Variants in VTI1A observed in about 807,000 individuals in gnomAD.
The protein encoded by VTI1A is vesicle transport through interaction with t-SNAREs homolog 1A.
VTI1A carries 22 observed loss-of-function variants against 34.9 expected under a neutral mutation model. The ratio of observed to expected loss-of-function variants is 0.63; its 90% CI spans 0.45 to 0.90. The LOEUF (loss-of-function observed/expected upper bound fraction) is 0.90, where lower values mean the gene tolerates loss of function less well. Among genes scored for constraint, VTI1A ranks in the 40% least tolerant of loss-of-function variants. VTI1A has a pLI of 0.00. For synonymous variants in VTI1A, 87 were observed against 97.3 expected (o/e 0.89, Z 0.62); for missense variants, 268 against 275.6 (o/e 0.97, Z 0.20).
rs889093947 is a variant in VTI1A, at chr10:112,554,891, T to G, written c.427+16561T>G. 4.6e-4 allele frequency among the ~76,000 whole-genome samples: 70 copies of G among 152,156 alleles called. 1 individual carries two copies. Among genetic ancestry groups the G allele is most frequent in the Non-Finnish European group, 7.4e-5 (5 of 67,994 alleles). On this transcript the variant is annotated intron_variant, in intron 5 of 7. Coordinates refer to ENST00000393077, the MANE Select transcript of VTI1A (RefSeq NM_145206.4). ...GGTCAGGCTAATCAATCATTTAATTTGATGAGTCCAGGAAGTATTCGATGT... is the reference window on the plus strand; with the variant it reads ...GGTCAGGCTAATCAATCATTTAATTGGATGAGTCCAGGAAGTATTCGATGT...
At chr10:112,451,715 G>A (rs144440519) in intron 1 of VTI1A, among the ~76,000 whole-genome samples, 4 of 152,334 alleles carry the variant, frequency 2.6e-5, no homozygotes, top group Admixed American at 6.5e-5. Flanking sequence ...ACTTAGCCAC[G>A]TGTAGATGAA....
chr10:112,853,414 G>A, the VTI1A span, among the ~76,000 whole-genome samples: 1 of 152,210 alleles, frequency 6.6e-6, no homozygotes, highest in East Asian at 1.9e-4. Flanking sequence ...TTGAGCCCTG[G>A]ATTCTGCATT....
At chr10:112,611,346 G>T (rs2038844) in intron 5 of VTI1A, among the ~76,000 whole-genome samples, 142,843 of 152,156 alleles carry the variant, frequency 0.94, 67,133 homozygotes, top group East Asian at 1. Context: ...ATCATGCTAT[G>T]TAGCAAGTAA....
At chr10:112,641,681 A>G (rs1469846669) in intron 5 of VTI1A, among the ~76,000 whole-genome samples, 1 of 152,134 alleles carries the variant, frequency 6.6e-6, no homozygotes, top group African/African-American at 2.4e-5. Context: ...GTCCCTTCCA[A>G]ATGTTCCTTT....
chr10:112,842,051 CTTTTTTTTTTTTTTTTTTT>C, the VTI1A span, among the ~76,000 whole-genome samples: 1 of 66,616 alleles, frequency 1.5e-5, no homozygotes, highest in South Asian at 5.2e-4. Flanking sequence ...TTTTTTTTTC[CTTTTTTTTTTTTTTTTTTT>C]TTTTTTTTTT....
intron 2 of VTI1A, among the ~76,000 whole-genome samples, chr10:112,463,866 CT>C (rs1847810849): frequency 6.6e-6 from 1 of 152,184 alleles, no homozygotes; most frequent in Non-Finnish European, 1.5e-5. Flanking sequence ...TAATAGCTTA[CT>C]TTATCTTCCC....
intron 7 of VTI1A, among the ~76,000 whole-genome samples, chr10:112,690,685 T>TA (rs1462986740): frequency 6.6e-6 from 1 of 152,182 alleles, no homozygotes; most frequent in Non-Finnish European, 1.5e-5. Context: ...TCTTCATCGG[T>TA]AAAATGCTAA....
chr10:112,643,883 T>G (rs1846675094), intron 5 of VTI1A, among the ~76,000 whole-genome samples: 1 of 152,096 alleles, frequency 6.6e-6, no homozygotes, highest in Non-Finnish European at 1.5e-5. Context: ...ACTATTTCAA[T>G]AGTCTGAGTC....
chr10:112,755,664 CA>C (rs1851259496), intron 7 of VTI1A, among the ~76,000 whole-genome samples: 1 of 152,132 alleles, frequency 6.6e-6, no homozygotes, highest in Non-Finnish European at 1.5e-5. Context: ...GCACATATTT[CA>C]AAATGTTTCA....
chr10:112,690,648 C>T (rs1192157786), intron 7 of VTI1A, among the ~76,000 whole-genome samples: 1 of 152,164 alleles, frequency 6.6e-6, no homozygotes, highest in African/African-American at 2.4e-5. Flanking sequence ...TATAAGCTGT[C>T]ACTTTGGACT....
At chr10:112,534,606 C>T (rs11195987) in intron 4 of VTI1A, among the ~76,000 whole-genome samples, 22,501 of 152,002 alleles carry the variant, frequency 0.15, 2,267 homozygotes, top group East Asian at 0.42. Context: ...TACTGATGTC[C>T]TCCCTCAGAA....
intron 7 of VTI1A, among the ~76,000 whole-genome samples, chr10:112,715,477 T>C (rs2133929580): frequency 6.6e-6 from 1 of 152,328 alleles, no homozygotes; most frequent in East Asian, 1.9e-4. Context: ...GACTAGTTTA[T>C]TCTGGAAGCT....
At chr10:112,597,048 C>T (rs1286548542) in intron 5 of VTI1A, among the ~76,000 whole-genome samples, 1 of 152,154 alleles carries the variant, frequency 6.6e-6, no homozygotes, top group Non-Finnish European at 1.5e-5. Context: ...CTTCTAATGC[C>T]AGATGGTTCT....
At chr10:112,787,789 C>T (rs1354752293) in intron 7 of VTI1A, among the ~76,000 whole-genome samples, 1 of 148,784 alleles carries the variant, frequency 6.7e-6, no homozygotes, top group African/African-American at 2.5e-5. Flanking sequence ...GCAACCTCCA[C>T]CTCCTGTGTT....
intron 5 of VTI1A, chr10:112,548,631 TA>T (rs1196569656): frequency 4.8e-6 from 5 of 1,045,048 alleles, no homozygotes; most frequent in Non-Finnish European, 5.9e-6. Context: ...AATATTCATT[TA>T]GCCTTCTGAG....
intron 5 of VTI1A, among the ~76,000 whole-genome samples, chr10:112,569,175 A>G (rs1852023873): frequency 2.0e-5 from 3 of 152,058 alleles, no homozygotes; most frequent in Admixed American, 1.3e-4. Context: ...AGCTATGGGA[A>G]AAAAGGTGAA....
chr10:112,710,824 T>C (rs1478907681), intron 7 of VTI1A, among the ~76,000 whole-genome samples: 1 of 152,136 alleles, frequency 6.6e-6, no homozygotes. Flanking sequence ...TGTGTATGTG[T>C]GTGTGTGTGT....
intron 5 of VTI1A, among the ~76,000 whole-genome samples, chr10:112,551,718 T>C (rs143708506): frequency 1.3e-5 from 2 of 152,304 alleles, no homozygotes; most frequent in Middle Eastern, 3.4e-3. Flanking sequence ...GAGGAGGTAA[T>C]TAAGTCTATT....
chr10:112,563,849 A>G (rs1851813500), intron 5 of VTI1A, among the ~76,000 whole-genome samples: 1 of 152,204 alleles, frequency 6.6e-6, no homozygotes, highest in African/African-American at 2.4e-5. Context: ...TGGACTGGCT[A>G]TTCTACATGA....
Sources: gnomAD v4.1 joint callset for allele counts (sites outside exome capture counted in the v4.1 genomes callset) on GRCh38, gnomAD v4.1.1 for gene constraint, MANE v1.5 for transcripts, NCBI Gene and HGNC (gene_info 2026-07-23, HGNC 2026-07-21) for gene names.